Variants in SYT17 observed in about 807,000 individuals in gnomAD.
SYT17 encodes synaptotagmin 17.
In SYT17, 22 loss-of-function variants were observed where a neutral mutation model predicts 46.7. The observed-to-expected ratio is 0.47, with a 90% CI of 0.34 to 0.67. The LOEUF (loss-of-function observed/expected upper bound fraction) is 0.67. Among genes scored for constraint, SYT17 ranks in the 30% least tolerant of loss-of-function variants. The pLI is 0.01. For synonymous variants in SYT17, 251 were observed against 248.4 expected, an observed-to-expected ratio of 1.01 and a Z score of -0.10; for missense variants, 519 against 612.8, an observed-to-expected ratio of 0.85 and a Z score of 1.62.
chr16:19,266,933 G>A lies in SYT17; in HGVS notation c.1282G>A (p.Gly428Ser). ...SNDFIGRIVI[G>S]QYSSGPSETN... is the part of the protein sequence containing the mutation. ...TGACTTCATCGGGAGGATCGTCATT[G>A]GCCAGTACTCTTCAGGCCCCTCTGA... The change falls in exon 8 of 8, where the codon GGC (glycine) becomes AGC (serine). Residue 428 changes from glycine to serine, a missense_variant. Coordinates refer to ENST00000355377, the MANE Select transcript of SYT17 (RefSeq NM_016524.4). 2 of 1,613,590 alleles carry A rather than the reference G, an allele frequency of 1.2e-6. No individual in the cohort carries two copies. Among genetic ancestry groups the A allele is most frequent in the Non-Finnish European group, 1.7e-6 (2 of 1,179,938 alleles).
At chr16:19,251,184 A>G (rs1008058933) in intron 7 of SYT17, among the ~76,000 whole-genome samples, 17 of 152,316 alleles carry the variant, frequency 1.1e-4, no homozygotes, top group Admixed American at 1.1e-3. Context: ...GGGATGCCGC[A>G]TATGCCAAGA....
intron 7 of SYT17, among the ~76,000 whole-genome samples, chr16:19,234,404 G>A (rs943632022): frequency 6.6e-6 from 1 of 151,724 alleles, no homozygotes; most frequent in African/African-American, 2.4e-5. Context: ...TTCTTTTGAT[G>A]GATCTCAGGT....
rs889393230 is a variant in SYT17 at position 19,267,027 on chromosome 16, C to T, written c.1376C>T (p.Ser459Phe). The change falls in exon 8 of 8, where the codon TCC becomes TTC. Residue 459 changes from serine (S) to phenylalanine (F), a missense_variant. Coordinates refer to ENST00000355377, the MANE Select transcript of SYT17 (RefSeq NM_016524.4). ...TAVEQWHSLR[S>F]RAECDRVSPA... ...GTGGAGCAGTGGCATAGCCTGAGGT[C>T]CCGAGCTGAGTGTGACCGCGTGTCT... 4.3e-6 allele frequency: 7 copies of T among 1,612,746 alleles called. No individual in the cohort carries two copies. The highest frequency in any genetic ancestry group is 5.9e-6 in the Non-Finnish European group (7 of 1,179,918).
intron 5 of SYT17, among the ~76,000 whole-genome samples, chr16:19,191,198 A>G (rs1965005594): frequency 6.6e-6 from 1 of 152,044 alleles, no homozygotes; most frequent in African/African-American, 2.4e-5. Flanking sequence ...CCCACCATAA[A>G]CAAACACTGA....
Position 19,183,545 on chromosome 16 carries a change from C to T in SYT17, c.349C>T (p.Pro117Ser). The T allele has an allele frequency of 6.2e-7, 1 of 1,614,130 alleles. No homozygotes were observed. Among genetic ancestry groups the T allele is most frequent in the Non-Finnish European group, 8.5e-7 (1 of 1,180,000 alleles). The change falls in exon 5 of 8, where the codon CCC becomes TCC. Residue 117 changes from proline (P) to serine (S), a missense_variant. By Grantham distance (74) the Pro-to-Ser change is moderately conservative (BLOSUM62 -1). Transcript: ENST00000355377. The surrounding 1 kb of genome is among the most constrained non-coding windows in gnomAD (Gnocchi z 5.6). ...RRISSLESRR[P>S]SSPLIDIKPI... Reference sequence around the variant, plus strand: ...GCTCTCAGGTCTTGAGTCAAGACGTCCCAGCTCTCCACTCATCGATATTAA... The same window carrying T: ...GCTCTCAGGTCTTGAGTCAAGACGTTCCAGCTCTCCACTCATCGATATTAA...
In SYT17 at chr16:19,255,206, A is replaced by G. The variant is rs1200045655; in HGVS notation, c.1229-11674A>G. On this transcript the variant is annotated intron_variant, in intron 7 of 7. Transcript: ENST00000355377. ...ATCTGCCATAGTCTTTTGAATCTCA[A>G]TGGCTTTCCTTTGGTTGGGAGAGGG... Among the ~76,000 whole-genome samples, 8 of 152,114 alleles carry G rather than the reference A, an allele frequency of 5.3e-5. 1 individual carries two copies. Among genetic ancestry groups the G allele is most frequent in the Admixed American group, 5.2e-4 (8 of 15,272 alleles).
At chr16:19,202,678 T>C (rs1481975819) in intron 5 of SYT17, among the ~76,000 whole-genome samples, 3 of 152,208 alleles carry the variant, frequency 2.0e-5, no homozygotes, top group African/African-American at 4.8e-5. Context: ...TCCAGTCATC[T>C]CATTAACATA....
chr16:19,258,078 T>G (rs188032875), intron 7 of SYT17, among the ~76,000 whole-genome samples: 4 of 152,230 alleles, frequency 2.6e-5, no homozygotes, highest in African/African-American at 9.6e-5. Context: ...GCTCCTATGG[T>G]GAGGAACAAA....
intron 5 of SYT17, among the ~76,000 whole-genome samples, chr16:19,186,897 T>C (rs1427746221): frequency 1.3e-5 from 2 of 152,190 alleles, no homozygotes; most frequent in African/African-American, 4.8e-5. Context: ...TAAAAATGAA[T>C]ACCATACCAT....
At position 19,183,627 on chromosome 16, in the gene SYT17, T is replaced by C. The variant is rs1468153807; in HGVS notation, c.431T>C (p.Leu144Pro). The change falls in exon 5 of 8, where the codon CTC becomes CCC. Residue 144 changes from leucine to proline, a missense_variant. Transcript: ENST00000355377. This position sits in a 1 kb window ranked among gnomAD's most constrained non-coding sequence, Gnocchi z 5.6. Reference protein sequence around the residue: ...AKKEPIQPSVLRRTYNPDDYF... With the variant: ...AKKEPIQPSVPRRTYNPDDYF... The stretch of plus-strand genomic sequence containing the variant: ...AAGGAGCCCATCCAACCTTCGGTGC[T>C]CAGACGGACCTATAACCCCGACGAC... The C allele has an allele frequency of 1.2e-6, 2 of 1,614,028 alleles. No homozygotes were observed. Among genetic ancestry groups the C allele is most frequent in the Non-Finnish European group, 1.7e-6 (2 of 1,180,024 alleles).
chr16:19,191,986 A>G (rs1965040349), intron 5 of SYT17, among the ~76,000 whole-genome samples: 1 of 152,146 alleles, frequency 6.6e-6, no homozygotes, highest in Admixed American at 6.5e-5. Flanking sequence ...GGGTTTCACC[A>G]TGTTAGCCAG....
intron 7 of SYT17, among the ~76,000 whole-genome samples, chr16:19,248,095 A>G (rs780999367): frequency 2.0e-4 from 30 of 152,252 alleles, no homozygotes; most frequent in Non-Finnish European, 3.5e-4. Flanking sequence ...AAGAGAATAC[A>G]TAGATAGCAA....
At chr16:19,200,303 T>C (rs1965411603) in intron 5 of SYT17, among the ~76,000 whole-genome samples, 1 of 152,208 alleles carries the variant, frequency 6.6e-6, no homozygotes, top group Non-Finnish European at 1.5e-5. Context: ...GGAAACACAT[T>C]TTAGAAACTA....
rs1417206733 is a variant in SYT17 at position 19,223,041 on chromosome 16, A to G, written c.952-4A>G. Reference sequence around the variant, plus strand: ...AACTTCCTGATCATTTCCTTTCTCTACAGAATGAAGTGGAGCTGGGGGAGC... The same window carrying G: ...AACTTCCTGATCATTTCCTTTCTCTGCAGAATGAAGTGGAGCTGGGGGAGC... On this transcript the variant is annotated splice_region_variant and splice_polypyrimidine_tract_variant and intron_variant, in intron 5 of 7. Coordinates refer to ENST00000355377, the MANE Select transcript of SYT17 (RefSeq NM_016524.4). The G allele has an allele frequency of 9.9e-6, 16 of 1,613,850 alleles. No homozygotes were observed. The highest frequency in any genetic ancestry group is 2.2e-5 in the East Asian group (1 of 44,894).
chr16:19,195,229 T>A (rs1490147325), intron 5 of SYT17, among the ~76,000 whole-genome samples: 1 of 152,140 alleles, frequency 6.6e-6, no homozygotes, highest in Non-Finnish European at 1.5e-5. Context: ...ATTTTATAGA[T>A]GAAGAAACTG....
chr16:19,257,595 T>TCCAACAGTTAAGCTAACTCATGAACAC (rs1316490303), intron 7 of SYT17, among the ~76,000 whole-genome samples: 13 of 152,176 alleles, frequency 8.5e-5, no homozygotes, highest in Middle Eastern at 3.4e-3. Flanking sequence ...TTATGTCTCC[T>TCCAACAGTTAAGCTAACTCATGAACAC]CCAACAGTTA....
At position 19,207,993 on chromosome 16, in the gene SYT17, A is replaced by G. The variant is rs190008614; in HGVS notation, c.952-15052A>G. On this transcript the variant is annotated intron_variant, in intron 5 of 7. Transcript: ENST00000355377. ...AATCCTGATGGTCAGGAACTGATGAATGGCCAAACTTTAAGTTTTATAAGG... is the reference window on the plus strand; with the variant it reads ...AATCCTGATGGTCAGGAACTGATGAGTGGCCAAACTTTAAGTTTTATAAGG... 4.6e-5 allele frequency among the ~76,000 whole-genome samples: 7 copies of G among 152,358 alleles called. No homozygotes were observed. The South Asian group carries it at 1.2e-3, about 27-fold the overall frequency.
chr16:19,192,498 G>A (rs1238452044), intron 5 of SYT17, among the ~76,000 whole-genome samples: 1 of 152,142 alleles, frequency 6.6e-6, no homozygotes, highest in Non-Finnish European at 1.5e-5. Flanking sequence ...CCAAGTGGGA[G>A]GACTGCTTGA....
Position 19,168,442 on chromosome 16 carries a change from G to T in SYT17, c.-205G>T. The stretch of plus-strand genomic sequence containing the variant: ...GAACCGGGGAGGCGGCCCCGATTCC[G>T]AGAGCCGGAACGCAGGGAAAGGCAA... On this transcript the variant is annotated 5_prime_UTR_variant, in exon 1 of 8. Coordinates refer to ENST00000355377, the MANE Select transcript of SYT17 (RefSeq NM_016524.4). This position sits in a 1 kb window ranked among gnomAD's most constrained non-coding sequence, Gnocchi z 6.9. 1 of 659,302 alleles carries T rather than the reference G, an allele frequency of 1.5e-6. No homozygotes were observed. Among genetic ancestry groups the T allele is most frequent in the East Asian group, 3.3e-5 (1 of 30,040 alleles). The allele number at this position is 659,302 out of a possible 1,614,324, so 40.8% of individuals were successfully genotyped here.
Sources: gnomAD v4.1 joint callset for allele counts (sites outside exome capture counted in the v4.1 genomes callset) on GRCh38, gnomAD v4.1.1 for gene constraint, Gnocchi (gnomAD v3.1) non-coding constraint, MANE v1.5 for transcripts, NCBI Gene and HGNC (gene_info 2026-07-23, HGNC 2026-07-21) for gene names.